ARHGAP24: variants seen among roughly 807,000 people sequenced by gnomAD.
The protein encoded by ARHGAP24 is rho GTPase-activating protein 24.
A neutral mutation model predicts 76.4 loss-of-function variants in ARHGAP24; 50 were observed. That is an observed-to-expected ratio of 0.65 (90% CI 0.52 to 0.83). The LOEUF is 0.83. ARHGAP24 is among the 40% of genes least tolerant of loss of function. The probability of loss-of-function intolerance (pLI) is 0.00; values close to 1 mark genes in which losing one functional copy is unlikely to be tolerated. For synonymous variants in ARHGAP24, 345 were observed against 323.3 expected, an observed-to-expected ratio of 1.07 and a Z score of -0.72; for missense variants, 930 against 914.2, an observed-to-expected ratio of 1.02 and a Z score of -0.22.
At chr4:85,825,964 G>C (rs1729693811) in intron 3 of ARHGAP24, among the ~76,000 whole-genome samples, 1 of 152,198 alleles carries the variant, frequency 6.6e-6, no homozygotes, top group African/African-American at 2.4e-5. Flanking sequence ...ACCTTTAACA[G>C]TGTACAGGTT....
chr4:85,476,467 C>T (rs1722603465), intron 1 of ARHGAP24, among the ~76,000 whole-genome samples: 1 of 151,948 alleles, frequency 6.6e-6, no homozygotes. Flanking sequence ...TCATCTCTTT[C>T]TAAAAAGGAA....
intron 3 of ARHGAP24, among the ~76,000 whole-genome samples, chr4:85,813,941 A>T (rs1224355024): frequency 6.6e-6 from 1 of 151,650 alleles, no homozygotes; most frequent in Non-Finnish European, 1.5e-5. Context: ...TTGGACTTAC[A>T]GTTTCACGTG....
chr4:85,932,718 T>G (rs1042481089), intron 4 of ARHGAP24, among the ~76,000 whole-genome samples: 20 of 151,936 alleles, frequency 1.3e-4, no homozygotes, highest in African/African-American at 4.6e-4. Context: ...GGATGAAGAG[T>G]TTTTTTTATT....
chr4:85,953,464 G>A (rs1281833308), intron 5 of ARHGAP24, among the ~76,000 whole-genome samples: 1 of 152,150 alleles, frequency 6.6e-6, no homozygotes, highest in Non-Finnish European at 1.5e-5. Context: ...TTATGAAAAA[G>A]TGAACTTGAA....
chr4:85,967,001 A>ACT (rs560609872), intron 5 of ARHGAP24, among the ~76,000 whole-genome samples: 22 of 152,196 alleles, frequency 1.4e-4, no homozygotes, highest in South Asian at 8.3e-4. Flanking sequence ...TATACTTGTA[A>ACT]TTATGGTGGC....
chr4:85,684,781 T>C (rs981447424), intron 2 of ARHGAP24, among the ~76,000 whole-genome samples: 12 of 152,198 alleles, frequency 7.9e-5, no homozygotes, highest in Non-Finnish European at 1.5e-4. Context: ...TAGTGTCTAA[T>C]AAAGGCAAAT....
intron 3 of ARHGAP24, among the ~76,000 whole-genome samples, chr4:85,888,402 G>GAAAA (rs377665282): frequency 8.0e-5 from 10 of 125,152 alleles, no homozygotes; most frequent in African/African-American, 2.1e-4. Flanking sequence ...TTCCTCTCAA[G>GAAAA]AAAAAAAAAA....
chr4:85,749,697 C>G (rs1472831199), intron 3 of ARHGAP24, among the ~76,000 whole-genome samples: 6 of 152,154 alleles, frequency 3.9e-5, no homozygotes, highest in African/African-American at 1.4e-4. Context: ...CCCTGAGTAG[C>G]TGGGATTACA....
chr4:85,557,173 G>A lies in ARHGAP24; in HGVS notation c.-20-13349G>A, dbSNP rs1409437104. Reference sequence around the variant, plus strand: ...CAAGAACTCAGGTGGGGCTGGGGTGGCCTCACCAGCACCCCAGGCCAATGG... The same window carrying A: ...CAAGAACTCAGGTGGGGCTGGGGTGACCTCACCAGCACCCCAGGCCAATGG... On this transcript the variant is annotated intron_variant, in intron 1 of 9. Transcript: ENST00000395184. 3.3e-5 allele frequency among the ~76,000 whole-genome samples: 5 copies of A among 152,198 alleles called. No individual in the cohort carries two copies. The East Asian group carries it at 9.6e-4, about 29-fold the overall frequency.
chr4:85,614,400 A>G (rs551348684), intron 2 of ARHGAP24, among the ~76,000 whole-genome samples: 1 of 152,242 alleles, frequency 6.6e-6, no homozygotes, highest in East Asian at 1.9e-4. Context: ...ATATATATTT[A>G]GTGCTTAGTA....
intron 2 of ARHGAP24, among the ~76,000 whole-genome samples, chr4:85,702,472 A>G (rs1429461401): frequency 6.6e-6 from 1 of 152,210 alleles, no homozygotes; most frequent in African/African-American, 2.4e-5. Flanking sequence ...CAGCTATTTT[A>G]TAAAATTTAT....
intron 3 of ARHGAP24, among the ~76,000 whole-genome samples, chr4:85,773,676 C>T (rs532801685): frequency 6.6e-6 from 1 of 151,986 alleles, no homozygotes; most frequent in East Asian, 1.9e-4. Context: ...TTCTTTGTAC[C>T]CAAGCATTTG....
At chr4:85,641,749 T>A (rs1051923850) in intron 2 of ARHGAP24, among the ~76,000 whole-genome samples, 2 of 152,160 alleles carry the variant, frequency 1.3e-5, no homozygotes, top group Non-Finnish European at 2.9e-5. Context: ...TTAGAAAGGA[T>A]ACAGATAAAG....
At chr4:85,974,779 G>A in intron 6 of ARHGAP24, 109 bp from the exon 7 acceptor site, 1 of 934,310 alleles carries the variant, frequency 1.1e-6, no homozygotes, top group Non-Finnish European at 1.6e-6. Context: ...ATCTTTCACT[G>A]ATAACATGTG....
intron 3 of ARHGAP24, among the ~76,000 whole-genome samples, chr4:85,761,128 G>A (rs181466642): frequency 3.5e-4 from 53 of 152,266 alleles, no homozygotes; most frequent in African/African-American, 1.2e-3. Flanking sequence ...ATCTTTTGTG[G>A]TGGTGCATCA....
intron 2 of ARHGAP24, among the ~76,000 whole-genome samples, chr4:85,614,288 G>A (rs762415657): frequency 5.3e-5 from 8 of 151,998 alleles, no homozygotes; most frequent in East Asian, 1.9e-4. Context: ...TATGACATTG[G>A]GCATCTTGTG....
intron 1 of ARHGAP24, among the ~76,000 whole-genome samples, chr4:85,501,627 T>G (rs539657326): frequency 6.6e-6 from 1 of 152,240 alleles, no homozygotes; most frequent in Non-Finnish European, 1.5e-5. Flanking sequence ...ATTAGCACTT[T>G]GTCAGATGGG....
At chr4:85,918,878 G>C (rs554182224) in intron 3 of ARHGAP24, among the ~76,000 whole-genome samples, 1 of 152,136 alleles carries the variant, frequency 6.6e-6, no homozygotes, top group South Asian at 2.1e-4. Context: ...ACCAACAAGA[G>C]TTAACATCTA....
intron 2 of ARHGAP24, among the ~76,000 whole-genome samples, chr4:85,668,781 G>T (rs961160092): frequency 1.3e-5 from 2 of 152,190 alleles, no homozygotes; most frequent in Admixed American, 6.5e-5. Flanking sequence ...AGAGAACAAT[G>T]AGGGATCATG....
Sources: allele counts gnomAD v4.1 joint callset (sites outside exome capture counted in the v4.1 genomes callset), GRCh38; gene constraint gnomAD v4.1.1; transcripts MANE v1.5; gene names NCBI Gene and HGNC (gene_info 2026-07-23, HGNC 2026-07-21).